The following CADM2 variants were observed in gnomAD, a reference collection of about 807,000 sequenced individuals.
CADM2 encodes cell adhesion molecule 2, also known as immunoglobulin superfamily member 4D.
A neutral mutation model predicts 49.8 loss-of-function variants in CADM2; 12 were observed. The ratio of observed to expected loss-of-function variants is 0.24; its 90% confidence interval spans 0.15 to 0.39. The LOEUF (loss-of-function observed/expected upper bound fraction) is 0.39, where lower values mean the gene tolerates loss of function less well. CADM2 is among the 10% of genes least tolerant of loss of function. The probability of loss-of-function intolerance (pLI) is 1.00; values close to 1 mark genes in which losing one functional copy is unlikely to be tolerated. For synonymous variants in CADM2, 214 were observed against 175.4 expected (o/e 1.22, Z -1.74); for missense variants, 378 against 492.3 (o/e 0.77, Z 2.20).
chr3:85,169,827 A>G (rs1204538885), intron 1 of CADM2, among the ~76,000 whole-genome samples: 1 of 152,212 alleles, frequency 6.6e-6, no homozygotes, highest in Non-Finnish European at 1.5e-5. Context: ...ATTACTAAAA[A>G]CATATAATGA....
chr3:85,630,813 A>C (rs563327179), intron 1 of CADM2, among the ~76,000 whole-genome samples: 1 of 152,130 alleles, frequency 6.6e-6, no homozygotes, highest in East Asian at 1.9e-4. Context: ...ACCTTTAATC[A>C]CATTTCTCTA....
At chr3:85,834,814 C>T (rs953996064) in intron 3 of CADM2, among the ~76,000 whole-genome samples, 5 of 151,112 alleles carry the variant, frequency 3.3e-5, no homozygotes, top group African/African-American at 1.2e-4. Context: ...TTATATATCA[C>T]AAATGGGGTT....
At chr3:85,542,785 A>C (rs977599697) in intron 1 of CADM2, among the ~76,000 whole-genome samples, 2 of 152,226 alleles carry the variant, frequency 1.3e-5, no homozygotes, top group Non-Finnish European at 2.9e-5. Context: ...TTAGCTAATT[A>C]TTGCAACAAC....
rs375712219 is a variant in CADM2 at position 85,800,435 on chromosome 3, A to AAAACAAACAAAC, written c.89-1596_89-1585dup. The AAAACAAACAAAC allele has an allele frequency of 1.7e-3, 258 of 155,618 alleles. 3 individuals carry two copies. The highest frequency in any genetic ancestry group is 5.3e-3 in the African/African-American group (220 of 41,340). 9.6% of individuals were successfully genotyped at this position (155,618 alleles called of 1,614,324 possible). A position where few individuals can be genotyped will look rare whatever the true frequency, so the allele number is the denominator to read the frequency against. ...AGTTCCAGGCACTACTGGGATACCA[A>AAAACAAACAAAC]AAACAAACAAACAAACAAACAAACA... On this transcript the variant is annotated intron_variant, in intron 2 of 9. Coordinates refer to ENST00000383699, the MANE Select transcript of CADM2 (RefSeq NM_001167675.2).
intron 3 of CADM2, among the ~76,000 whole-genome samples, chr3:85,812,761 C>T (rs2072958585): frequency 1.3e-5 from 2 of 152,066 alleles, no homozygotes. Context: ...CATGTGTTCT[C>T]CTTGTTCAAC....
rs1052439937 is a variant in CADM2 at position 85,071,019 on chromosome 3, T to TAAATAAAC, written c.61+111354_61+111355insTAAACAAA. On this transcript the variant is annotated intron_variant, in intron 1 of 9. Coordinates refer to ENST00000383699, the MANE Select transcript of CADM2 (RefSeq NM_001167675.2). The stretch of plus-strand genomic sequence containing the variant: ...ATAAATAAATAAATAAATAAATAAA[T>TAAATAAAC]AAACAAATAAATAAATAAATAAAAT... 3.8e-3 allele frequency among the ~76,000 whole-genome samples: 573 copies of TAAATAAAC among 149,736 alleles called. 3 individuals carry two copies. Among genetic ancestry groups the TAAATAAAC allele is most frequent in the African/African-American group, 0.011 (442 of 41,002 alleles).
intron 1 of CADM2, among the ~76,000 whole-genome samples, chr3:85,635,258 C>T (rs891434810): frequency 6.6e-6 from 1 of 152,016 alleles, no homozygotes; most frequent in African/African-American, 2.4e-5. Context: ...CACACATAAG[C>T]GGCATATACA....
chr3:85,784,884 T>C (rs746651737), intron 2 of CADM2, among the ~76,000 whole-genome samples: 15 of 152,182 alleles, frequency 9.9e-5, no homozygotes, highest in Non-Finnish European at 2.1e-4. Context: ...TAAATATTTG[T>C]AGAATTTGAC....
At chr3:84,959,722 C>T in intron 1 of CADM2, 54 bp downstream of exon 1, 1 of 1,438,492 alleles carries the variant, frequency 7.0e-7, no homozygotes, top group East Asian at 2.5e-5. Flanking sequence ...TCCCCATCTT[C>T]CCCATTCCAC....
chr3:85,133,765 T>A (rs1419188321), intron 1 of CADM2, among the ~76,000 whole-genome samples: 2 of 152,188 alleles, frequency 1.3e-5, no homozygotes, highest in East Asian at 3.9e-4. Context: ...GTTCTCCACG[T>A]CCCCTCCAGA....
At chr3:85,275,965 A>T (rs2043347288) in intron 1 of CADM2, among the ~76,000 whole-genome samples, 1 of 151,258 alleles carries the variant, frequency 6.6e-6, no homozygotes, top group African/African-American at 2.4e-5. Context: ...TGAAGAATTT[A>T]AATTTTTTTG....
rs561674858 is a variant in CADM2 at position 85,230,344 on chromosome 3, G to T, written c.61+270676G>T. ...TATATAGCTAAGCCTAAATGACACT[G>T]TCTCAGATTATCTATGGTTCTTATC... On this transcript the variant is annotated intron_variant, in intron 1 of 9. Coordinates refer to ENST00000383699, the MANE Select transcript of CADM2 (RefSeq NM_001167675.2). Among the ~76,000 whole-genome samples, 7 of 152,282 alleles carry T rather than the reference G, an allele frequency of 4.6e-5. No homozygotes were observed. In the East Asian group the frequency reaches 9.6e-4, roughly 21 times the overall value.
At chr3:85,124,198 TAAG>T (rs2038955012) in intron 1 of CADM2, among the ~76,000 whole-genome samples, 1 of 152,196 alleles carries the variant, frequency 6.6e-6, no homozygotes, top group Non-Finnish European at 1.5e-5. Context: ...TCCAAGTCCT[TAAG>T]AAGGACGTTT....
chr3:85,892,041 C>T (rs1026958820), intron 5 of CADM2, among the ~76,000 whole-genome samples: 1 of 152,206 alleles, frequency 6.6e-6, no homozygotes, highest in Non-Finnish European at 1.5e-5. Flanking sequence ...GGTCACACAT[C>T]TGGCAAAGAC....
chr3:85,758,531 A>G (rs1445373388), intron 2 of CADM2, among the ~76,000 whole-genome samples: 1 of 152,126 alleles, frequency 6.6e-6, no homozygotes, highest in African/African-American at 2.4e-5. Context: ...GTGTTTCTTT[A>G]TAAAACACAG....
intron 2 of CADM2, among the ~76,000 whole-genome samples, chr3:85,747,996 G>A: frequency 6.6e-6 from 1 of 151,942 alleles, no homozygotes; most frequent in East Asian, 1.9e-4. Context: ...AGCTGCTATG[G>A]CATTTAATGC....
intron 8 of CADM2, among the ~76,000 whole-genome samples, chr3:86,048,726 T>C (rs188829175): frequency 6.6e-6 from 1 of 152,154 alleles, no homozygotes; most frequent in Non-Finnish European, 1.5e-5. Context: ...TCCATTGACA[T>C]GACATAACTA....
At chr3:85,447,457 T>C (rs1365993304) in intron 1 of CADM2, among the ~76,000 whole-genome samples, 1 of 152,200 alleles carries the variant, frequency 6.6e-6, no homozygotes, top group Non-Finnish European at 1.5e-5. Context: ...AAGGTTGCAT[T>C]GTTCTGAATC....
chr3:85,122,241 A>G (rs1055173295), intron 1 of CADM2, among the ~76,000 whole-genome samples: 3 of 152,186 alleles, frequency 2.0e-5, no homozygotes, highest in Admixed American at 6.6e-5. Flanking sequence ...TAATTGATTC[A>G]CCAACACATT....
Sources: gnomAD v4.1 joint callset for allele counts (sites outside exome capture counted in the v4.1 genomes callset) on GRCh38, gnomAD v4.1.1 for gene constraint, MANE v1.5 for transcripts, NCBI Gene and HGNC (gene_info 2026-07-23, HGNC 2026-07-21) for gene names.